The following HUWE1 variants were observed in gnomAD, a reference collection of about 807,000 sequenced individuals.
The protein encoded by HUWE1 is HECT, UBA and WWE domain containing E3 ubiquitin protein ligase 1.
HUWE1 carries 18 observed loss-of-function variants against 299.4 expected under a neutral mutation model. The observed-to-expected ratio is 0.06, with a 90% CI of 0.04 to 0.09. HUWE1 has a LOEUF of 0.09. Ranked by LOEUF, HUWE1 falls within the 10% of genes least tolerant of loss-of-function variation. The pLI is 1.00. For missense variants in HUWE1, 1,832 were observed against 3,462.3 expected (o/e 0.53, Z 11.82); for synonymous variants, 1,317 against 1,286.1 (o/e 1.02, Z -0.51).
intron 29 of HUWE1, among the ~76,000 whole-genome samples, chrX:53,599,900 G>A (rs918304137): frequency 8.9e-6 from 1 of 111,966 alleles, no homozygotes; most frequent in Non-Finnish European, 1.9e-5. Flanking sequence ...AGGGAGGGTA[G>A]TAGATATGGC....
intron 7 of HUWE1, 96 bp from the exon 8 acceptor site, chrX:53,634,394 T>C: frequency 1.7e-6 from 1 of 593,001 alleles, no homozygotes; most frequent in Non-Finnish European, 3.0e-6. Flanking sequence ...CTTATCTCTC[T>C]TTCTCTCTAT....
chrX:53,534,219 G>C (rs782133828), intron 82 of HUWE1, 22 bp from the exon 83 acceptor site: 1 of 1,176,840 alleles, frequency 8.5e-7, no homozygotes, highest in South Asian at 1.8e-5. Context: ...GACCCATGAA[G>C]CCAGTGTTAG....
At chrX:53,646,426 A>T (rs782356004) in intron 6 of HUWE1, among the ~76,000 whole-genome samples, 3 of 111,813 alleles carry the variant, frequency 2.7e-5, no homozygotes, top group African/African-American at 9.8e-5. Flanking sequence ...CCAAAGTGTC[A>T]GGATTACAGA....
chrX:53,581,181 G>A (rs1230355872), intron 42 of HUWE1, among the ~76,000 whole-genome samples, 155 bp from the exon 43 acceptor site: 5 of 112,082 alleles, frequency 4.5e-5, no homozygotes, highest in Admixed American at 3.8e-4. Flanking sequence ...CAAAAAACCT[G>A]GCTTATAAAA....
chrX:53,671,008 C>T (rs1439266353), intron 3 of HUWE1, among the ~76,000 whole-genome samples: 2 of 111,816 alleles, frequency 1.8e-5, no homozygotes, highest in East Asian at 5.6e-4. Flanking sequence ...GCAAGGTTAG[C>T]CTTTCTAAAG....
intron 3 of HUWE1, among the ~76,000 whole-genome samples, chrX:53,674,933 T>C (rs1343936964): frequency 8.9e-6 from 1 of 112,226 alleles, no homozygotes; most frequent in Admixed American, 9.4e-5. Flanking sequence ...TTTATATAAA[T>C]TATAATGACC....
chrX:53,679,107 G>A (rs2069987208), intron 3 of HUWE1, among the ~76,000 whole-genome samples: 1 of 111,095 alleles, frequency 9.0e-6, no homozygotes, highest in Admixed American at 9.5e-5. Context: ...CTACTGGGCT[G>A]TAATCCCCAA....
At chrX:53,577,477 C>A (rs1233472435) in intron 43 of HUWE1, among the ~76,000 whole-genome samples, 1 of 77,201 alleles carries the variant, frequency 1.3e-5, no homozygotes, top group African/African-American at 4.8e-5. Context: ...AAAAAAAAAA[C>A]TCCCTCTCCC....
chrX:53,562,677 G>T (rs2062351603), intron 53 of HUWE1, among the ~76,000 whole-genome samples, 154 bp downstream of exon 53: 1 of 112,310 alleles, frequency 8.9e-6, no homozygotes, highest in African/African-American at 3.2e-5. Flanking sequence ...TGAAAAACTG[G>T]CTGAGGATAA....
At chrX:53,629,703 T>C in intron 12 of HUWE1, 87 bp from the exon 13 acceptor site, 2 of 563,019 alleles carry the variant, frequency 3.6e-6, no homozygotes, top group South Asian at 5.2e-5. Context: ...CTATAGGTTC[T>C]GGGGAAGAAT....
At chrX:53,609,281 T>C (rs2065315120) in intron 23 of HUWE1, among the ~76,000 whole-genome samples, 2 of 112,121 alleles carry the variant, frequency 1.8e-5, no homozygotes, top group Admixed American at 1.9e-4. Context: ...CTATCCTATC[T>C]TTGGCAAACT....
In HUWE1 at chrX:53,568,882, A is replaced by C; in HGVS notation, c.6525-8T>G. On this transcript the variant is annotated splice_polypyrimidine_tract_variant and splice_region_variant and intron_variant, in intron 48 of 83. Coordinates refer to ENST00000262854, the MANE Select transcript of HUWE1 (RefSeq NM_031407.7). ...CACATCACTGCCTGAAGCCTGGGAG[A>C]GAAGTTTTGACATCTCTATCATATG... is the stretch of plus-strand genomic sequence containing the variant. 8.4e-7 allele frequency: 1 copy of C among 1,185,608 alleles called. No homozygotes were observed. The highest frequency in any genetic ancestry group is 1.1e-6 in the Non-Finnish European group (1 of 879,753).
At chrX:53,649,707 C>G (rs1294268077) in intron 4 of HUWE1, among the ~76,000 whole-genome samples, 1 of 112,299 alleles carries the variant, frequency 8.9e-6, no homozygotes, top group Non-Finnish European at 1.9e-5. Context: ...GAACCACCTG[C>G]TTATGCAGTT....
intron 23 of HUWE1, among the ~76,000 whole-genome samples, chrX:53,610,767 A>G (rs1202845531): frequency 4.5e-5 from 5 of 111,625 alleles, no homozygotes; most frequent in Non-Finnish European, 7.5e-5. Context: ...CTCTGCACTC[A>G]TTGCCTTTAA....
At chrX:53,673,211 G>C (rs2069645935) in intron 3 of HUWE1, among the ~76,000 whole-genome samples, 1 of 111,547 alleles carries the variant, frequency 9.0e-6, no homozygotes, top group Non-Finnish European at 1.9e-5. Flanking sequence ...TCTCACAGTA[G>C]AAAAATTCAA....
chrX:53,648,195 A>T lies in HUWE1; in HGVS notation c.144+17T>A. The T allele has an allele frequency of 2.8e-6, 3 of 1,086,853 alleles. No individual in the cohort carries two copies. Among genetic ancestry groups the T allele is most frequent in the Non-Finnish European group, 3.8e-6 (3 of 781,789 alleles). 89.6% of individuals were successfully genotyped at this position (1,086,853 alleles called of 1,213,427 possible). A position where few individuals can be genotyped will look rare whatever the true frequency, so the allele number is the denominator to read the frequency against. ...AGTATGGTGAGTCCTGTCTTTTGGG[A>T]GCTTGACTTCACATACCTTTCCAAT... On this transcript the variant is annotated intron_variant, in intron 5 of 83. Coordinates refer to ENST00000262854, the MANE Select transcript of HUWE1 (RefSeq NM_031407.7).
chrX:53,543,166 G>A (rs1469202470), intron 73 of HUWE1, among the ~76,000 whole-genome samples: 1 of 110,327 alleles, frequency 9.1e-6, no homozygotes, highest in East Asian at 2.8e-4. Context: ...GTAATTATAC[G>A]CAAAGAAATA....
intron 2 of HUWE1, among the ~76,000 whole-genome samples, chrX:53,680,910 A>G (rs781963455): frequency 2.3e-3 from 28 of 12,284 alleles, no homozygotes; most frequent in Non-Finnish European, 3.9e-3. Context: ...AAGCACTTCA[A>G]ATTAAATAAA....
intron 47 of HUWE1, among the ~76,000 whole-genome samples, chrX:53,572,050 T>C (rs979051323): frequency 8.9e-6 from 1 of 112,170 alleles, no homozygotes; most frequent in Non-Finnish European, 1.9e-5. Flanking sequence ...TACCCAAATG[T>C]TTATTAGCAG....
Sources: allele counts gnomAD v4.1 joint callset (sites outside exome capture counted in the v4.1 genomes callset), GRCh38; gene constraint gnomAD v4.1.1; transcripts MANE v1.5; gene names NCBI Gene and HGNC (gene_info 2026-07-23, HGNC 2026-07-21).